GRIN2A: variants seen among roughly 807,000 people sequenced by gnomAD.
GRIN2A encodes glutamate receptor ionotropic, NMDA 2A.
A neutral mutation model predicts 113.4 loss-of-function variants in GRIN2A; 22 were observed. The ratio of observed to expected loss-of-function variants is 0.19; its 90% CI spans 0.14 to 0.28. GRIN2A has a LOEUF of 0.28. Ranked by LOEUF, GRIN2A falls within the 10% of genes least tolerant of loss-of-function variation. GRIN2A has a pLI of 1.00. For synonymous variants in GRIN2A, 827 were observed against 738.4 expected, an observed-to-expected ratio of 1.12 and a Z score of -1.94; for missense variants, 1,502 against 1,887.0, an observed-to-expected ratio of 0.80 and a Z score of 3.78.
chr16:10,156,045 C>T (rs769858336), intron 2 of GRIN2A, among the ~76,000 whole-genome samples: 1 of 152,148 alleles, frequency 6.6e-6, no homozygotes, highest in Non-Finnish European at 1.5e-5. Context: ...TAGGAGGGAC[C>T]CTGGACGATG....
At chr16:9,925,069 G>T (rs2044431816) in intron 3 of GRIN2A, among the ~76,000 whole-genome samples, 1 of 152,150 alleles carries the variant, frequency 6.6e-6, no homozygotes. Flanking sequence ...TGGGATGGAA[G>T]AAATTATAAA....
intron 2 of GRIN2A, among the ~76,000 whole-genome samples, chr16:9,967,856 C>G (rs559094965): frequency 6.6e-6 from 1 of 151,880 alleles, no homozygotes; most frequent in Non-Finnish European, 1.5e-5. Context: ...ATCCCTGTAA[C>G]CAAAAGCACC....
chr16:10,025,303 T>C (rs1412528639), intron 2 of GRIN2A, among the ~76,000 whole-genome samples: 1 of 143,916 alleles, frequency 6.9e-6, no homozygotes, highest in Admixed American at 7.0e-5. Context: ...TCTTTTTTTT[T>C]TTTTTTTTTT....
At chr16:9,795,641 G>A (rs2141222263) in intron 11 of GRIN2A, among the ~76,000 whole-genome samples, 1 of 152,206 alleles carries the variant, frequency 6.6e-6, no homozygotes, top group East Asian at 1.9e-4. Flanking sequence ...TGAACCACTT[G>A]TATGTTACAG....
chr16:9,881,711 A>G (rs1306979638), intron 4 of GRIN2A, among the ~76,000 whole-genome samples: 1 of 152,176 alleles, frequency 6.6e-6, no homozygotes, highest in African/African-American at 2.4e-5. Flanking sequence ...GGTAAAGGAG[A>G]GACTGAAAAC....
intron 11 of GRIN2A, among the ~76,000 whole-genome samples, chr16:9,772,903 G>A (rs1220587970): frequency 9.3e-6 from 1 of 107,462 alleles, no homozygotes. Flanking sequence ...AATCAACATG[G>A]TAAAGCAGAC....
rs193043014 is a variant in GRIN2A at position 10,109,739 on chromosome 16, T to C, written c.414+70259A>G. Among the ~76,000 whole-genome samples the C allele has an allele frequency of 2.6e-5, 4 of 151,962 alleles. No individual in the cohort carries two copies. In the East Asian group the frequency reaches 7.7e-4, roughly 29 times the overall value. ...ACATTTTTAAATAACAAAAAATATATAATTGGATCGTTTGTAACACAAAGG... is the reference window on the plus strand; with the variant it reads ...ACATTTTTAAATAACAAAAAATATACAATTGGATCGTTTGTAACACAAAGG... On this transcript the variant is annotated intron_variant, in intron 2 of 12. Transcript: ENST00000330684.
chr16:9,971,227 G>A (rs2045663437), intron 2 of GRIN2A, among the ~76,000 whole-genome samples: 1 of 152,296 alleles, frequency 6.6e-6, no homozygotes, highest in African/African-American at 2.4e-5. Flanking sequence ...CAATAGAAAA[G>A]CCTAATTTTC....
At chr16:9,936,287 T>C (rs993731082) in intron 3 of GRIN2A, among the ~76,000 whole-genome samples, 2 of 152,186 alleles carry the variant, frequency 1.3e-5, no homozygotes, top group African/African-American at 4.8e-5. Context: ...TAACAAGTCC[T>C]CCCAGAGATT....
At chr16:10,077,567 G>C (rs1284824175) in intron 2 of GRIN2A, among the ~76,000 whole-genome samples, 2 of 152,124 alleles carry the variant, frequency 1.3e-5, no homozygotes, top group Non-Finnish European at 2.9e-5. Flanking sequence ...AGCCAGAATG[G>C]CCCCATTAGT....
intron 3 of GRIN2A, among the ~76,000 whole-genome samples, chr16:9,925,840 T>C (rs981973095): frequency 5.3e-5 from 8 of 152,158 alleles, no homozygotes; most frequent in African/African-American, 1.9e-4. Flanking sequence ...TATCTCCAAG[T>C]AGTTAGAATT....
intron 2 of GRIN2A, among the ~76,000 whole-genome samples, chr16:9,946,656 T>A (rs567351466): frequency 1.3e-5 from 2 of 152,310 alleles, no homozygotes; most frequent in East Asian, 3.9e-4. Flanking sequence ...GTGCCAGTAA[T>A]TAATTCGGGG....
chr16:9,864,970 C>T (rs766315290), intron 4 of GRIN2A, among the ~76,000 whole-genome samples: 58 of 152,184 alleles, frequency 3.8e-4, no homozygotes, highest in Non-Finnish European at 7.2e-4. Flanking sequence ...TGAAATGCAT[C>T]GTTATGATGA....
rs368522556 is a variant in GRIN2A at position 10,044,007 on chromosome 16, G to GTA, written c.415-105458_415-105457dup. The stretch of plus-strand genomic sequence containing the variant: ...TACACATACGTGTGTGTGTGTGTGT[G>GTA]TATATATATATATATAGAGAGAGAG... On this transcript the variant is annotated intron_variant, in intron 2 of 12. Coordinates refer to ENST00000330684, the MANE Select transcript of GRIN2A (RefSeq NM_001134407.3). Among the ~76,000 whole-genome samples the GTA allele has an allele frequency of 8.4e-3, 983 of 116,864 alleles. 7 individuals are homozygous for GTA. Among genetic ancestry groups the GTA allele is most frequent in the Middle Eastern group, 0.024 (5 of 210 alleles). The allele number at this position is 116,864 out of a possible 152,430, so 76.7% of individuals were successfully genotyped here.
At chr16:10,096,501 A>T (rs1465212822) in intron 2 of GRIN2A, among the ~76,000 whole-genome samples, 1 of 148,920 alleles carries the variant, frequency 6.7e-6, no homozygotes, top group African/African-American at 2.5e-5. Flanking sequence ...GGTAACTAAT[A>T]GTGTTCTTCT....
chr16:9,901,265 G>A (rs2043916889), intron 3 of GRIN2A, among the ~76,000 whole-genome samples: 2 of 152,114 alleles, frequency 1.3e-5, no homozygotes, highest in Admixed American at 6.5e-5. Flanking sequence ...TTTTGATGAT[G>A]AGCCCTACTT....
chr16:10,145,473 G>A (rs567659114), intron 2 of GRIN2A, among the ~76,000 whole-genome samples: 38 of 151,646 alleles, frequency 2.5e-4, no homozygotes, highest in African/African-American at 7.5e-4. Context: ...TTAAACACAC[G>A]CAGTTTTTAA....
chr16:10,165,144 A>C lies in GRIN2A; in HGVS notation c.414+14854T>G, dbSNP rs890542916. Among the ~76,000 whole-genome samples the C allele has an allele frequency of 1.1e-4, 16 of 152,326 alleles. No homozygotes were observed. In the South Asian group the frequency reaches 2.7e-3, roughly 26 times the overall value. ...CAAGGTATTGGTTTTCATGGCAAAA[A>C]ATTGGGGAAAATCTAAATTATCAAG... On this transcript the variant is annotated intron_variant, in intron 2 of 12. Transcript: ENST00000330684.
At position 9,952,764 on chromosome 16, in the gene GRIN2A, A is replaced by G. The variant is rs543519425; in HGVS notation, c.415-14213T>C. Among the ~76,000 whole-genome samples the G allele has an allele frequency of 3.3e-5, 5 of 152,316 alleles. No homozygotes were observed. The South Asian group carries it at 1.0e-3, about 32-fold the overall frequency. ...TGCCACAGAGAGGAACTCAATGCTT[A>G]TATCTGTGGGATTGGATTAAAGACA... On this transcript the variant is annotated intron_variant, in intron 2 of 12. Transcript: ENST00000330684.
Sources: gnomAD v4.1 joint callset for allele counts (sites outside exome capture counted in the v4.1 genomes callset) on GRCh38, gnomAD v4.1.1 for gene constraint, MANE v1.5 for transcripts, NCBI Gene and HGNC (gene_info 2026-07-23, HGNC 2026-07-21) for gene names.